Variants in GRM7 observed in about 807,000 individuals in gnomAD.
GRM7 encodes metabotropic glutamate receptor 7.
In GRM7, 35 loss-of-function variants were observed where a neutral mutation model predicts 84.5. That is an observed-to-expected ratio of 0.41 (90% CI 0.32 to 0.55). The LOEUF is 0.55. Ranked by LOEUF, GRM7 falls within the 20% of genes least tolerant of loss-of-function variation. The pLI, the probability that GRM7 is intolerant of heterozygous loss-of-function variation, is 0.19. For synonymous variants in GRM7, 487 were observed against 455.1 expected (o/e 1.07, Z -0.89); for missense variants, 1,003 against 1,194.6 (o/e 0.84, Z 2.36).
chr3:7,568,026 A>T (rs529717182), intron 7 of GRM7, among the ~76,000 whole-genome samples: 1 of 152,308 alleles, frequency 6.6e-6, no homozygotes, highest in South Asian at 2.1e-4. Context: ...GGAACCAAAC[A>T]TCTCATGACC....
chr3:7,494,294 TG>T (rs967755336), intron 7 of GRM7, among the ~76,000 whole-genome samples: 109 of 152,210 alleles, frequency 7.2e-4, no homozygotes, highest in African/African-American at 2.4e-3. Flanking sequence ...TGAAAAGTGT[TG>T]TCCTTCTAGC....
intron 8 of GRM7, among the ~76,000 whole-genome samples, chr3:7,657,830 A>C (rs1488119742): frequency 6.6e-6 from 1 of 152,172 alleles, no homozygotes; most frequent in Non-Finnish European, 1.5e-5. Context: ...CTGGCTTTTA[A>C]GTTTCAGTCC....
At chr3:7,390,028 A>G (rs1694930082) in intron 4 of GRM7, among the ~76,000 whole-genome samples, 1 of 152,008 alleles carries the variant, frequency 6.6e-6, no homozygotes, top group Non-Finnish European at 1.5e-5. Context: ...TTTCTTAAGC[A>G]TCTCTTGTTG....
chr3:7,343,699 T>G (rs971384821), intron 4 of GRM7, among the ~76,000 whole-genome samples: 3 of 152,190 alleles, frequency 2.0e-5, no homozygotes, highest in Non-Finnish European at 4.4e-5. Context: ...CAATGCTTCT[T>G]TTTTAGAAAT....
intron 2 of GRM7, among the ~76,000 whole-genome samples, chr3:7,199,671 G>A (rs1695999346): frequency 6.6e-6 from 1 of 152,176 alleles, no homozygotes; most frequent in African/African-American, 2.4e-5. Flanking sequence ...AGGGATATTA[G>A]TAAACGTCCT....
chr3:7,538,269 C>A (rs909673135), intron 7 of GRM7, among the ~76,000 whole-genome samples: 1 of 152,126 alleles, frequency 6.6e-6, no homozygotes, highest in Non-Finnish European at 1.5e-5. Context: ...GCAACCACGC[C>A]CAGCTAATTT....
At chr3:7,180,600 C>T (rs1342083952) in intron 2 of GRM7, among the ~76,000 whole-genome samples, 2 of 152,238 alleles carry the variant, frequency 1.3e-5, no homozygotes, top group East Asian at 1.9e-4. Flanking sequence ...CCTCAAAATT[C>T]ATACTGTTTT....
rs1182214809 is a variant in GRM7, at chr3:7,151,332, A to G, written c.736+4664A>G. Among the ~76,000 whole-genome samples, 1 of 152,092 alleles carries G rather than the reference A, an allele frequency of 6.6e-6. No individual in the cohort carries two copies. The highest frequency in any genetic ancestry group is 1.5e-5 in the Non-Finnish European group (1 of 68,020). On this transcript the variant is annotated intron_variant, in intron 2 of 9. Coordinates refer to ENST00000357716, the MANE Select transcript of GRM7 (RefSeq NM_000844.4). This position sits in a 1 kb window ranked among gnomAD's most constrained non-coding sequence, Gnocchi z 4.5. ...TGAGGCGGGAGAACTGCTTGAACCC[A>G]GGAGGCGGAGGTTGCAGTGAGCCGA...
At chr3:7,085,043 C>T (rs1236466787) in intron 1 of GRM7, among the ~76,000 whole-genome samples, 1 of 152,056 alleles carries the variant, frequency 6.6e-6, no homozygotes, top group Admixed American at 6.6e-5. Flanking sequence ...AGGTAGTATT[C>T]CATATCTGAT....
At chr3:6,955,808 C>G (rs1258341521) in intron 1 of GRM7, among the ~76,000 whole-genome samples, 1 of 148,828 alleles carries the variant, frequency 6.7e-6, no homozygotes, top group South Asian at 2.1e-4. Context: ...TGCCACTGCA[C>G]TCCAGATTGG....
At chr3:7,458,846 GGTGA>G (rs1423180630) in intron 6 of GRM7, among the ~76,000 whole-genome samples, 26 of 152,120 alleles carry the variant, frequency 1.7e-4, no homozygotes, top group African/African-American at 5.8e-4. Context: ...GAAAGAAAAA[GGTGA>G]GTATCTCAAT....
intron 2 of GRM7, among the ~76,000 whole-genome samples, chr3:7,215,687 A>G (rs1427893754): frequency 6.6e-6 from 1 of 151,966 alleles, no homozygotes; most frequent in African/African-American, 2.4e-5. Flanking sequence ...AAATAAATAA[A>G]TAAATAAATT....
chr3:7,647,836 A>G (rs1435741327), intron 8 of GRM7, among the ~76,000 whole-genome samples: 1 of 152,154 alleles, frequency 6.6e-6, no homozygotes, highest in East Asian at 1.9e-4. Context: ...AGGAGGGGGT[A>G]GACCAAGGGA....
chr3:6,991,953 A>G (rs1575107276), intron 1 of GRM7, among the ~76,000 whole-genome samples: 1 of 152,222 alleles, frequency 6.6e-6, no homozygotes, highest in Admixed American at 6.5e-5. Flanking sequence ...GCTCCTTGCA[A>G]CCAGTTTGTT....
intron 2 of GRM7, among the ~76,000 whole-genome samples, chr3:7,208,015 T>C (rs1017340019): frequency 2.0e-5 from 3 of 152,188 alleles, no homozygotes; most frequent in Non-Finnish European, 4.4e-5. Context: ...CTATATTTAG[T>C]ACAGCTGCCT....
At chr3:7,341,736 GT>G (rs951852316) in intron 4 of GRM7, among the ~76,000 whole-genome samples, 39 of 152,216 alleles carry the variant, frequency 2.6e-4, no homozygotes, top group African/African-American at 7.9e-4. Flanking sequence ...TTTACTATGT[GT>G]TTTACATGTG....
At chr3:7,477,742 C>T (rs1386706013) in intron 7 of GRM7, among the ~76,000 whole-genome samples, 1 of 152,044 alleles carries the variant, frequency 6.6e-6, no homozygotes, top group African/African-American at 2.4e-5. Flanking sequence ...TTTTTGTACC[C>T]TTTCTTCTAG....
intron 4 of GRM7, among the ~76,000 whole-genome samples, chr3:7,409,552 T>C (rs1695825526): frequency 6.6e-6 from 1 of 151,672 alleles, no homozygotes. Flanking sequence ...ATCCTGCTGC[T>C]TTCCCAACTT....
chr3:7,283,469 A>G (rs929121178), intron 2 of GRM7, among the ~76,000 whole-genome samples: 3 of 152,160 alleles, frequency 2.0e-5, no homozygotes, highest in African/African-American at 2.4e-5. Context: ...CAAATAGTAT[A>G]AAAAGATAAG....
Sources: gnomAD v4.1 joint callset for allele counts (sites outside exome capture counted in the v4.1 genomes callset) on GRCh38, gnomAD v4.1.1 for gene constraint, Gnocchi (gnomAD v3.1) non-coding constraint, MANE v1.5 for transcripts, NCBI Gene and HGNC (gene_info 2026-07-23, HGNC 2026-07-21) for gene names.